The following PGM1 variants were observed in gnomAD, a reference collection of about 807,000 sequenced individuals.
The protein encoded by PGM1 is phosphoglucomutase-1.
Under a neutral mutation model 55.6 loss-of-function variants are expected in PGM1, and 52 were observed. The ratio of observed to expected loss-of-function variants is 0.94; its 90% CI spans 0.75 to 1.18. The LOEUF (loss-of-function observed/expected upper bound fraction) is 1.18, where lower values mean the gene tolerates loss of function less well. PGM1 is among the 50% of genes most tolerant of loss of function. The pLI, the probability that PGM1 is intolerant of heterozygous loss-of-function variation, is 0.00. For missense variants in PGM1, 724 were observed against 729.3 expected (o/e 0.99, Z 0.08); for synonymous variants, 287 against 271.7 (o/e 1.06, Z -0.55).
At chr1:63,656,548 C>T (rs1649970577) in intron 10 of PGM1, among the ~76,000 whole-genome samples, 1 of 151,030 alleles carries the variant, frequency 6.6e-6, no homozygotes, top group Non-Finnish European at 1.5e-5. Flanking sequence ...AAGTGCCCAT[C>T]TACAGATGAA....
rs1045078886 is a variant in PGM1, at chr1:63,593,965, C to T, written c.246+231C>T. On this transcript the variant is annotated intron_variant, in intron 1 of 10. Coordinates refer to ENST00000371084, the MANE Select transcript of PGM1 (RefSeq NM_002633.3). ...CCGGCAGACCTGCTCGCCTGACTCC[C>T]GGGGCGCCGGGAGGTGCGGGCGCGG... The T allele has an allele frequency of 1.3e-5, 16 of 1,196,662 alleles. No individual in the cohort carries two copies. In the Admixed American group the frequency reaches 4.2e-4, roughly 32 times the overall value. 74.1% of individuals were successfully genotyped at this position (1,196,662 alleles called of 1,614,324 possible).
chr1:63,625,717 AT>A (rs993822804), intron 1 of PGM1, among the ~76,000 whole-genome samples: 9 of 151,950 alleles, frequency 5.9e-5, no homozygotes, highest in African/African-American at 2.2e-4. Context: ...AGATCATTTT[AT>A]TTTTTTTCCC....
chr1:63,636,365 G>A lies in PGM1; in HGVS notation c.1005G>A (p.Met335Ile). The A allele has an allele frequency of 6.2e-7, 1 of 1,614,088 alleles. No homozygotes were observed. Among genetic ancestry groups the A allele is most frequent in the Non-Finnish European group, 8.5e-7 (1 of 1,179,998 alleles). ...GGGTCCGCGGCTTTGCACGGAGCAT[G>A]CCCACGAGTGGTGCTCTGGACCGGT... ...QTGVRGFARSMPTSGALDRVA... is the reference protein window; with the variant it reads ...QTGVRGFARSIPTSGALDRVA... Residue 335 changes from methionine to isoleucine, a missense_variant, in exon 6 of 11, where the codon ATG becomes ATA. Met to Ile is a conservative substitution (Grantham distance 10). Coordinates refer to ENST00000371084, the MANE Select transcript of PGM1 (RefSeq NM_002633.3).
intron 7 of PGM1, among the ~76,000 whole-genome samples, chr1:63,642,203 C>T (rs968882698): frequency 6.6e-5 from 10 of 152,178 alleles, no homozygotes; most frequent in South Asian, 6.2e-4. Flanking sequence ...ACTGGTCCAC[C>T]GAGTAAAACA....
chr1:63,593,459 C>A lies in PGM1; in HGVS notation c.-30C>A. ...CCGCCCCTCCGCCAGCCAAGTCCGCCGCTCTGACCCCCGGCAGCAAGTCGC... is the reference window on the plus strand; with the variant it reads ...CCGCCCCTCCGCCAGCCAAGTCCGCAGCTCTGACCCCCGGCAGCAAGTCGC... On this transcript the variant is annotated 5_prime_UTR_variant, in exon 1 of 11. Coordinates refer to ENST00000371084, the MANE Select transcript of PGM1 (RefSeq NM_002633.3). 6.2e-7 allele frequency: 1 copy of A among 1,612,984 alleles called. No individual in the cohort carries two copies. The highest frequency in any genetic ancestry group is 8.5e-7 in the Non-Finnish European group (1 of 1,179,728).
At chr1:63,601,019 A>G (rs1301081387) in intron 1 of PGM1, among the ~76,000 whole-genome samples, 1 of 152,116 alleles carries the variant, frequency 6.6e-6, no homozygotes, top group Non-Finnish European at 1.5e-5. Context: ...GGGGCTTGCA[A>G]ATTAAATGTA....
intron 1 of PGM1, among the ~76,000 whole-genome samples, chr1:63,594,935 TCGGCGACAGAG>T (rs1445587047): frequency 6.1e-5 from 8 of 131,400 alleles, no homozygotes; most frequent in Non-Finnish European, 1.2e-4. Flanking sequence ...CACTCTAGCC[TCGGCGACAGAG>T]CGAGACTCCG....
At chr1:63,631,846 T>C in intron 4 of PGM1, 64 bp downstream of exon 4, 1 of 1,480,170 alleles carries the variant, frequency 6.8e-7, no homozygotes, top group South Asian at 1.1e-5. Context: ...CTTCTGTGTG[T>C]ATCATGATGC....
intron 7 of PGM1, among the ~76,000 whole-genome samples, chr1:63,645,400 A>G (rs1649621717): frequency 6.6e-6 from 1 of 152,170 alleles, no homozygotes; most frequent in Non-Finnish European, 1.5e-5. Flanking sequence ...AATTAAGGAG[A>G]AAAAGAAGGA....
At chr1:63,615,127 G>A (rs1648675100) in intron 1 of PGM1, among the ~76,000 whole-genome samples, 1 of 152,156 alleles carries the variant, frequency 6.6e-6, no homozygotes, top group African/African-American at 2.4e-5. Flanking sequence ...TGTTTAATCA[G>A]TATTTATCCA....
rs982644356 is a variant in PGM1 at position 63,659,527 on chromosome 1, A to T, written c.1600-59A>T. 9 of 1,376,828 alleles carry T rather than the reference A, an allele frequency of 6.5e-6. No individual in the cohort carries two copies. In the African/African-American group the frequency reaches 1.1e-4, roughly 17 times the overall value. The allele number at this position is 1,376,828 out of a possible 1,614,324, so 85.3% of individuals were successfully genotyped here. On this transcript the variant is annotated intron_variant, in intron 10 of 10. Coordinates refer to ENST00000371084, the MANE Select transcript of PGM1 (RefSeq NM_002633.3). ...TAGGCAGTCAGACGTACGGGTTTGGAGCTAAGCATCTGTGTTTAGAGGAAG... is the reference window on the plus strand; with the variant it reads ...TAGGCAGTCAGACGTACGGGTTTGGTGCTAAGCATCTGTGTTTAGAGGAAG...
At chr1:63,626,146 A>G (rs1269283836) in intron 1 of PGM1, among the ~76,000 whole-genome samples, 1 of 152,158 alleles carries the variant, frequency 6.6e-6, no homozygotes, top group African/African-American at 2.4e-5. Flanking sequence ...AGGCCATTTG[A>G]GGATGGACTC....
intron 10 of PGM1, among the ~76,000 whole-genome samples, chr1:63,657,323 A>G (rs751958263): frequency 2.0e-5 from 3 of 152,136 alleles, no homozygotes; most frequent in Non-Finnish European, 4.4e-5. Context: ...TTACAATTTT[A>G]TGAATCTTGG....
rs549312112 is a variant in PGM1, at chr1:63,593,899, CCCGACGGAGGTCG to C, written c.246+169_246+181del. On this transcript the variant is annotated intron_variant, in intron 1 of 10. Coordinates refer to ENST00000371084, the MANE Select transcript of PGM1 (RefSeq NM_002633.3). ...CGCGCTCGCTCTTCTGGCCTGGAGG[CCCGACGGAGGTCG>C]CCGGGCTGGGGAAAGTGGCCACGGG... 7.2e-4 allele frequency: 901 copies of C among 1,253,990 alleles called. 4 individuals are homozygous for C. The African/African-American group carries it at 0.013, about 17-fold the overall frequency. 77.7% of individuals were successfully genotyped at this position (1,253,990 alleles called of 1,614,324 possible).
intron 1 of PGM1, among the ~76,000 whole-genome samples, chr1:63,625,759 GTTATAAGTTTCTCTTCATTTTT>G (rs1648998645): frequency 6.6e-6 from 1 of 151,912 alleles, no homozygotes; most frequent in African/African-American, 2.4e-5. Context: ...GCATTTATGG[GTTATAAGTTTCTCTTCATTTTT>G]TATTTACATA....
At chr1:63,633,878 G>C (rs1230026913) in intron 4 of PGM1, among the ~76,000 whole-genome samples, 327 of 24,420 alleles carry the variant, frequency 0.013, 5 homozygotes, top group Non-Finnish European at 0.018. Context: ...GTGTGTGTGT[G>C]TGTGTGTGTG....
Position 63,638,786 on chromosome 1 carries a change from A to G in PGM1, c.1130A>G (p.Glu377Gly), listed in dbSNP as rs1486326366. The part of the protein sequence containing the change: ...DASKLSLCGE[E>G]SFGTGSDHIR... ...AGCAAACTGTCCCTTTGTGGGGAGG[A>G]GAGCTTCGGGACCGGTAAGTCACAC... Residue 377 changes from glutamate (E) to glycine (G), a missense_variant, in exon 7 of 11, where the codon GAG becomes GGG. Physicochemically the swap from Glu to Gly is moderately conservative, Grantham distance 98. This residue lies in a region of PGM1 where 316 missense variants were observed against 313.1 expected (regional missense o/e 1.01). Transcript: ENST00000371084. The G allele has an allele frequency of 1.2e-6, 2 of 1,612,880 alleles. No individual in the cohort carries two copies. Among genetic ancestry groups the G allele is most frequent in the African/African-American group, 1.3e-5 (1 of 74,874 alleles).
intron 1 of PGM1, among the ~76,000 whole-genome samples, chr1:63,626,779 G>T (rs966027964): frequency 6.6e-6 from 1 of 152,082 alleles, no homozygotes; most frequent in Non-Finnish European, 1.5e-5. Flanking sequence ...GTATGGTTCA[G>T]TGATGGTAAC....
chr1:63,615,404 A>G (rs1648681670), intron 1 of PGM1, among the ~76,000 whole-genome samples: 1 of 152,128 alleles, frequency 6.6e-6, no homozygotes, highest in Admixed American at 6.5e-5. Flanking sequence ...ACCCCATCGA[A>G]AAGGATGTTC....
Sources: gnomAD v4.1 joint callset for allele counts (sites outside exome capture counted in the v4.1 genomes callset) on GRCh38, gnomAD v4.1.1 for gene constraint, gnomAD v4.1.1 regional missense constraint, MANE v1.5 for transcripts, NCBI Gene and HGNC (gene_info 2026-07-23, HGNC 2026-07-21) for gene names.